The following LRRC7 variants were observed in gnomAD, a reference collection of about 807,000 sequenced individuals.
LRRC7 encodes leucine-rich repeat-containing protein 7.
Under a neutral mutation model 175.7 loss-of-function variants are expected in LRRC7, and 23 were observed. That is an observed-to-expected ratio of 0.13 (90% CI 0.09 to 0.19). The LOEUF (loss-of-function observed/expected upper bound fraction) is 0.19, where lower values mean the gene tolerates loss of function less well. LRRC7 is among the 10% of genes least tolerant of loss of function. LRRC7 has a pLI of 1.00. For synonymous variants in LRRC7, 685 were observed against 680.9 expected, an observed-to-expected ratio of 1.01 and a Z score of -0.09; for missense variants, 1,354 against 1,904.7, an observed-to-expected ratio of 0.71 and a Z score of 5.38.
rs529751649 is a variant in LRRC7, at chr1:69,654,544, T to G, written c.3-23837T>G. Among the ~76,000 whole-genome samples the G allele has an allele frequency of 2.0e-5, 3 of 152,228 alleles. No homozygotes were observed. In the East Asian group the frequency reaches 5.8e-4, roughly 29 times the overall value. On this transcript the variant is annotated intron_variant, in intron 1 of 26. Transcript: ENST00000651989. ...TGCCAGTCTTATTGCACAGATCATG[T>G]GCCAAATAGACTTTAAGATGCCTCT...
intron 1 of LRRC7, among the ~76,000 whole-genome samples, chr1:69,649,960 T>G (rs1322562789): frequency 2.0e-5 from 3 of 152,098 alleles, no homozygotes; most frequent in Non-Finnish European, 2.9e-5. Context: ...ATGAATACTT[T>G]ATGGATGATG....
At chr1:69,608,019 C>A (rs1647909479) in intron 1 of LRRC7, 1 of 152,546 alleles carries the variant, frequency 6.6e-6, no homozygotes, top group Non-Finnish European at 1.5e-5. Context: ...ATACGTTTAT[C>A]TTTTGAAGCA....
intron 3 of LRRC7, among the ~76,000 whole-genome samples, chr1:69,791,032 T>C (rs1446135912): frequency 6.6e-6 from 1 of 152,016 alleles, no homozygotes; most frequent in Non-Finnish European, 1.5e-5. Flanking sequence ...AAATGGTAGT[T>C]AAATGTACTG....
chr1:70,019,775 C>A (rs192136596), intron 15 of LRRC7, among the ~76,000 whole-genome samples: 3 of 151,884 alleles, frequency 2.0e-5, no homozygotes, highest in East Asian at 1.9e-4. Flanking sequence ...ATAAAATTAA[C>A]CTTTTGAATT....
At chr1:69,686,174 G>A (rs986877592) in intron 2 of LRRC7, among the ~76,000 whole-genome samples, 1 of 152,052 alleles carries the variant, frequency 6.6e-6, no homozygotes, top group African/African-American at 2.4e-5. Context: ...CAGCAATGAA[G>A]GAGAAATAAA....
intron 4 of LRRC7, among the ~76,000 whole-genome samples, chr1:69,814,500 C>G (rs1678347756): frequency 6.6e-6 from 1 of 152,114 alleles, no homozygotes; most frequent in Non-Finnish European, 1.5e-5. Context: ...TTCATATCAT[C>G]AAATACTCAG....
intron 21 of LRRC7, 27 bp from the exon 22 acceptor site, chr1:70,043,925 CCT>C (rs1660125541): frequency 6.3e-7 from 1 of 1,580,622 alleles, no homozygotes; most frequent in African/African-American, 1.3e-5. Context: ...GTGTTCACAC[CCT>C]GTCACATGAT....
At chr1:69,836,034 G>C (rs535684450) in intron 6 of LRRC7, among the ~76,000 whole-genome samples, 1 of 152,032 alleles carries the variant, frequency 6.6e-6, no homozygotes, top group Admixed American at 6.6e-5. Flanking sequence ...ACATTTTTAA[G>C]TTTACTGTCA....
In LRRC7 at chr1:70,036,194, A is replaced by T; in HGVS notation, c.2069A>T (p.Tyr690Phe). ...CCTTCATTAGCTGAGACCCCTCTGTACCCACCCAAACTTGTTCTGCTAGGG... is the reference window on the plus strand; with the variant it reads ...CCTTCATTAGCTGAGACCCCTCTGTTCCCACCCAAACTTGTTCTGCTAGGG... The part of the protein sequence containing the change: ...LHPSLAETPL[Y>F]PPKLVLLGKD... Residue 690 changes from tyrosine to phenylalanine, a missense_variant, in exon 19 of 27, where the codon TAC becomes TTC. This residue lies in a region of LRRC7 where 1,032 missense variants were observed against 1,227.2 expected (regional missense o/e 0.84). Coordinates refer to ENST00000651989, the MANE Select transcript of LRRC7 (RefSeq NM_001370785.2). 6.2e-7 allele frequency: 1 copy of T among 1,613,636 alleles called. No individual in the cohort carries two copies. Among genetic ancestry groups the T allele is most frequent in the Non-Finnish European group, 8.5e-7 (1 of 1,179,728 alleles).
intron 25 of LRRC7, among the ~76,000 whole-genome samples, chr1:70,096,226 C>G (rs529765566): frequency 2.6e-5 from 4 of 152,200 alleles, no homozygotes; most frequent in African/African-American, 9.7e-5. Flanking sequence ...ATCCGCCTGC[C>G]GCGGCCTCCC....
intron 1 of LRRC7, among the ~76,000 whole-genome samples, chr1:69,649,650 G>A (rs1217172135): frequency 1.3e-5 from 2 of 152,104 alleles, no homozygotes; most frequent in Admixed American, 6.6e-5. Flanking sequence ...AGCCCATATG[G>A]CACCTTTGCT....
intron 23 of LRRC7, among the ~76,000 whole-genome samples, chr1:70,060,092 C>A (rs1661459654): frequency 6.6e-6 from 1 of 152,046 alleles, no homozygotes; most frequent in Admixed American, 6.6e-5. Context: ...CCGAGGCAAG[C>A]GGATCACTTG....
At chr1:69,931,479 C>G (rs1267591028) in intron 7 of LRRC7, 28 bp from the exon 8 acceptor site, 2 of 1,590,028 alleles carry the variant, frequency 1.3e-6, no homozygotes, top group South Asian at 2.2e-5. Flanking sequence ...CACTACCTCA[C>G]AATAGTATTT....
At chr1:69,645,046 A>T (rs1126360) in intron 1 of LRRC7, among the ~76,000 whole-genome samples, 2,245 of 152,182 alleles carry the variant, frequency 0.015, 59 homozygotes, top group African/African-American at 0.051. Flanking sequence ...CTTCTTCAAG[A>T]TAGAGAACAA....
chr1:69,778,192 T>A (rs1019423076), intron 3 of LRRC7, among the ~76,000 whole-genome samples: 1 of 152,160 alleles, frequency 6.6e-6, no homozygotes, highest in Admixed American at 6.5e-5. Context: ...TTTGTTCCAC[T>A]CTCCTCTGTG....
At chr1:69,839,355 C>A (rs1681473701) in intron 7 of LRRC7, among the ~76,000 whole-genome samples, 1 of 152,118 alleles carries the variant, frequency 6.6e-6, no homozygotes, top group East Asian at 1.9e-4. Flanking sequence ...TAAGAGAAGA[C>A]AAGGAGAGAG....
chr1:70,033,732 CA>C (rs1659015849), intron 18 of LRRC7, among the ~76,000 whole-genome samples: 1 of 152,044 alleles, frequency 6.6e-6, no homozygotes, highest in Non-Finnish European at 1.5e-5. Flanking sequence ...CGAATCAATA[CA>C]AACAAGATGA....
chr1:69,804,230 T>A (rs779377431), intron 4 of LRRC7, among the ~76,000 whole-genome samples: 1 of 151,466 alleles, frequency 6.6e-6, no homozygotes, highest in African/African-American at 2.4e-5. Flanking sequence ...TGTTAATTTT[T>A]CAAATGTTTC....
chr1:69,668,491 A>G (rs1658595576), intron 1 of LRRC7, among the ~76,000 whole-genome samples: 1 of 152,104 alleles, frequency 6.6e-6, no homozygotes. Context: ...CTTTTTATGG[A>G]GGCATAGTAT....
Sources: allele counts gnomAD v4.1 joint callset (sites outside exome capture counted in the v4.1 genomes callset), GRCh38; gene constraint gnomAD v4.1.1; regional missense constraint gnomAD v4.1.1; transcripts MANE v1.5; gene names NCBI Gene and HGNC (gene_info 2026-07-23, HGNC 2026-07-21).